GPM6B: variants seen among roughly 807,000 people sequenced by gnomAD.
GPM6B encodes the protein neuronal membrane glycoprotein M6-b.
GPM6B carries 4 observed loss-of-function variants against 27.2 expected under a neutral mutation model. That is an observed-to-expected ratio of 0.15 (90% CI 0.07 to 0.34). The LOEUF (loss-of-function observed/expected upper bound fraction) is 0.34, where lower values mean the gene tolerates loss of function less well. GPM6B is among the 10% of genes least tolerant of loss of function. The pLI, the probability that GPM6B is intolerant of heterozygous loss-of-function variation, is 1.00. For missense variants in GPM6B, 183 were observed against 261.9 expected (o/e 0.70, Z 2.08); for synonymous variants, 124 against 103.1 (o/e 1.20, Z -1.23).
chrX:13,807,060 G>A (rs1264746005), intron 2 of GPM6B, among the ~76,000 whole-genome samples: 2 of 112,214 alleles, frequency 1.8e-5, no homozygotes, highest in Admixed American at 9.4e-5. Context: ...AATGGCCAAT[G>A]TTCCTCACGA....
intron 1 of GPM6B, among the ~76,000 whole-genome samples, chrX:13,884,019 G>A (rs2050110645): frequency 1.8e-5 from 2 of 109,241 alleles, no homozygotes. Flanking sequence ...CTACTAAAAA[G>A]TACAAAAATT....
At chrX:13,839,422 C>T (rs2049545330) in intron 1 of GPM6B, among the ~76,000 whole-genome samples, 1 of 111,913 alleles carries the variant, frequency 8.9e-6, no homozygotes, top group Admixed American at 9.5e-5. Context: ...CTCAGGACCT[C>T]TTGAGACTGT....
At chrX:13,776,393 T>G in intron 6 of GPM6B, 90 bp from the exon 7 acceptor site, 2 of 697,976 alleles carry the variant, frequency 2.9e-6, no homozygotes, top group Non-Finnish European at 4.4e-6. Context: ...CTGTCTCCTT[T>G]GCAGCTCTTC....
At chrX:13,909,981 C>T (rs1398691133) in intron 1 of GPM6B, among the ~76,000 whole-genome samples, 2 of 111,801 alleles carry the variant, frequency 1.8e-5, no homozygotes, top group African/African-American at 6.5e-5. Context: ...GCCTTTGGCA[C>T]CTGTAACCTA....
At chrX:13,793,688 T>C (rs1158202609) in intron 2 of GPM6B, among the ~76,000 whole-genome samples, 1 of 112,298 alleles carries the variant, frequency 8.9e-6, no homozygotes, top group African/African-American at 3.2e-5. Flanking sequence ...ATTGGAATAA[T>C]CTGGGGAGCA....
intron 2 of GPM6B, among the ~76,000 whole-genome samples, chrX:13,786,196 A>G (rs1411915152): frequency 8.9e-6 from 1 of 112,582 alleles, no homozygotes; most frequent in East Asian, 2.8e-4. Flanking sequence ...AAGAGAGGAC[A>G]GCAGTGAAGC....
rs1055962306 is a variant in GPM6B at position 13,842,418 on chromosome X, C to T, written c.-197-56610G>A. 4.5e-5 allele frequency among the ~76,000 whole-genome samples: 5 copies of T among 111,659 alleles called. No homozygotes were observed. The East Asian group carries it at 1.1e-3, about 25-fold the overall frequency. On this transcript the variant is annotated intron_variant, in intron 1 of 6. Transcript: ENST00000398361. ...GCAAATTTAGACACCTAACACATTA[C>T]GTCGGTAGGAGCTCAGTGCATAGAA... is the stretch of plus-strand genomic sequence containing the variant.
intron 1 of GPM6B, among the ~76,000 whole-genome samples, chrX:13,899,205 G>A (rs1447625852): frequency 2.7e-5 from 3 of 109,436 alleles, no homozygotes; most frequent in Non-Finnish European, 5.7e-5. Flanking sequence ...GAGCTCAGGA[G>A]TTCAAGACCA....
intron 1 of GPM6B, among the ~76,000 whole-genome samples, chrX:13,815,019 C>T (rs981796718): frequency 6.3e-5 from 7 of 111,684 alleles, no homozygotes; most frequent in African/African-American, 1.3e-4. Context: ...TTTTCATATA[C>T]GGGTTGTCAG....
intron 1 of GPM6B, among the ~76,000 whole-genome samples, chrX:13,836,777 C>T (rs999279461): frequency 8.9e-6 from 1 of 112,464 alleles, no homozygotes; most frequent in Non-Finnish European, 1.9e-5. Flanking sequence ...AAATTGCCTC[C>T]AATGACTCAT....
At chrX:13,868,994 G>A (rs2049947490) in intron 1 of GPM6B, among the ~76,000 whole-genome samples, 1 of 112,179 alleles carries the variant, frequency 8.9e-6, no homozygotes, top group East Asian at 2.8e-4. Flanking sequence ...AGCAATGGAT[G>A]CATAGAGCAT....
intron 1 of GPM6B, among the ~76,000 whole-genome samples, chrX:13,832,951 ATCATCTCAGAGGAAAGG>A (rs1396663342): frequency 1.8e-5 from 2 of 112,143 alleles, no homozygotes; most frequent in Non-Finnish European, 3.8e-5. Context: ...GCAGATTTAG[ATCATCTCAGAGGAAAGG>A]TCAAAATCTG....
At chrX:13,862,948 T>G (rs769667240) in intron 1 of GPM6B, among the ~76,000 whole-genome samples, 1 of 110,778 alleles carries the variant, frequency 9.0e-6, no homozygotes, top group East Asian at 2.8e-4. Context: ...CCTCCCACCT[T>G]GGTCTCCCAA....
chrX:13,829,425 G>A (rs1485540120), intron 1 of GPM6B, among the ~76,000 whole-genome samples: 1 of 111,886 alleles, frequency 8.9e-6, no homozygotes, highest in Non-Finnish European at 1.9e-5. Flanking sequence ...CTTACAAAAT[G>A]CTATTTCTAT....
chrX:13,784,904 G>A (rs1471659443), intron 3 of GPM6B, among the ~76,000 whole-genome samples: 1 of 111,828 alleles, frequency 8.9e-6, no homozygotes, highest in Non-Finnish European at 1.9e-5. Flanking sequence ...TGTAGGCTTA[G>A]AGTTGGGGTC....
chrX:13,841,063 TATG>T (rs751408593), intron 1 of GPM6B, among the ~76,000 whole-genome samples: 1 of 112,632 alleles, frequency 8.9e-6, no homozygotes, highest in African/African-American at 3.2e-5. Context: ...GACGTTCATA[TATG>T]AATAAACATA....
chrX:13,860,730 T>C (rs957027384), intron 1 of GPM6B, among the ~76,000 whole-genome samples: 4 of 110,121 alleles, frequency 3.6e-5, no homozygotes, highest in Admixed American at 9.8e-5. Flanking sequence ...GGTGCACCCA[T>C]AGCCCAAGCA....
intron 1 of GPM6B, among the ~76,000 whole-genome samples, chrX:13,865,559 A>AAAAAAAAAAAAGAAAG (rs34662549): frequency 3.8e-5 from 2 of 52,927 alleles, no homozygotes; most frequent in East Asian, 9.8e-4. Flanking sequence ...AAAAAAAAAA[A>AAAAAAAAAAAAGAAAG]AAAGAAAGAA....
chrX:13,844,926 T>C (rs1226506007), intron 1 of GPM6B, among the ~76,000 whole-genome samples: 1 of 112,182 alleles, frequency 8.9e-6, no homozygotes, highest in African/African-American at 3.2e-5. Context: ...CCTCTCTTAC[T>C]CTGGTACCTT....
Sources: allele counts gnomAD v4.1 joint callset (sites outside exome capture counted in the v4.1 genomes callset), GRCh38; gene constraint gnomAD v4.1.1; transcripts MANE v1.5; gene names NCBI Gene and HGNC (gene_info 2026-07-23, HGNC 2026-07-21).